DLC1: variants seen among roughly 807,000 people sequenced by gnomAD.
The protein encoded by DLC1 is DLC1 Rho GTPase activating protein.
Under a neutral mutation model 140.3 loss-of-function variants are expected in DLC1, and 54 were observed. The ratio of observed to expected loss-of-function variants is 0.38; its 90% CI spans 0.31 to 0.48. The LOEUF is 0.48. Ranked by LOEUF, DLC1 falls within the 20% of genes least tolerant of loss-of-function variation. The pLI is 0.96. For missense variants in DLC1, 2,536 were observed against 1,907.0 expected, an observed-to-expected ratio of 1.33 and a Z score of -6.14; for synonymous variants, 986 against 728.1, an observed-to-expected ratio of 1.35 and a Z score of -5.70.
intron 5 of DLC1, among the ~76,000 whole-genome samples, chr8:13,245,223 C>T (rs1238477873): frequency 6.6e-6 from 1 of 152,174 alleles, no homozygotes; most frequent in Non-Finnish European, 1.5e-5. Flanking sequence ...TGTAGGTGCT[C>T]CGTTGAGGCC....
In DLC1 at chr8:13,133,338, C is replaced by A; in HGVS notation, c.1349-17681G>T. On this transcript the variant is annotated intron_variant, in intron 5 of 17. Transcript: ENST00000276297. ...GGGCCCTCCCGCTGGGCCCACCCCC[C>A]GAGGGGCGGGGCCAGAGCGGGCGGC... is the stretch of plus-strand genomic sequence containing the variant. The A allele has an allele frequency of 2.6e-6, 3 of 1,156,176 alleles. No homozygotes were observed. In the South Asian group the frequency reaches 6.9e-5, roughly 26 times the overall value. The allele number at this position is 1,156,176 out of a possible 1,614,324, so 71.6% of individuals were successfully genotyped here.
intron 5 of DLC1, among the ~76,000 whole-genome samples, chr8:13,259,361 A>G (rs2117323135): frequency 6.6e-6 from 1 of 151,686 alleles, no homozygotes; most frequent in East Asian, 1.9e-4. Context: ...TTAATCACTT[A>G]AAATTTTACA....
intron 6 of DLC1, among the ~76,000 whole-genome samples, chr8:13,114,228 G>A (rs1820352873): frequency 1.3e-5 from 2 of 152,164 alleles, no homozygotes; most frequent in Non-Finnish European, 2.9e-5. Flanking sequence ...CGGGCATGGT[G>A]GCACATGCCC....
Position 13,090,407 on chromosome 8 carries a change from G to T in DLC1, c.3919C>A (p.Leu1307Met), listed in dbSNP as rs535433260. The change falls in exon 15 of 18, where the codon CTG becomes ATG. Residue 1307 changes from leucine (L) to methionine (M), a missense_variant. Transcript: ENST00000276297. ...YTEQELKPLT[L>M]EALGHLGNDD... ...TTACCCAGGTGCCCGAGTGCTTCCA[G>T]AGTGAGGGGCTTCAGCTCTTGTTCG... 6.2e-7 allele frequency: 1 copy of T among 1,614,212 alleles called. No individual in the cohort carries two copies. Among genetic ancestry groups the T allele is most frequent in the Admixed American group, 1.7e-5 (1 of 60,020 alleles).
chr8:13,363,049 C>T (rs1281657439), intron 4 of DLC1, among the ~76,000 whole-genome samples: 2 of 152,172 alleles, frequency 1.3e-5, no homozygotes, highest in Non-Finnish European at 2.9e-5. Context: ...TAGATATGGG[C>T]ATACAATATT....
intron 5 of DLC1, among the ~76,000 whole-genome samples, chr8:13,120,902 C>G (rs1472915581): frequency 6.6e-6 from 1 of 152,092 alleles, no homozygotes; most frequent in Non-Finnish European, 1.5e-5. Context: ...AAACTCCCCA[C>G]CCCCAGCATC....
chr8:13,096,972 T>C (rs1158397914), intron 10 of DLC1, among the ~76,000 whole-genome samples: 2 of 152,310 alleles, frequency 1.3e-5, no homozygotes, highest in East Asian at 3.9e-4. Flanking sequence ...TGCTTGGCAC[T>C]GATAGCAGAA....
At chr8:13,249,478 G>T (rs1329156308) in intron 5 of DLC1, among the ~76,000 whole-genome samples, 7 of 152,006 alleles carry the variant, frequency 4.6e-5, no homozygotes, top group African/African-American at 7.3e-5. Context: ...CCTTGTCATG[G>T]TACCCACTGC....
chr8:13,504,146 GAC>G (rs986705560), intron 1 of DLC1, among the ~76,000 whole-genome samples: 3 of 94,158 alleles, frequency 3.2e-5, no homozygotes, highest in Non-Finnish European at 5.7e-5. Context: ...TTTTTTTTAA[GAC>G]AGAGTTTCAC....
At chr8:13,324,808 A>G (rs1477035614) in intron 4 of DLC1, among the ~76,000 whole-genome samples, 1 of 152,182 alleles carries the variant, frequency 6.6e-6, no homozygotes, top group African/African-American at 2.4e-5. Flanking sequence ...TAAGCCAACC[A>G]AAATGCAATT....
At chr8:13,596,895 A>T (rs920425984) in intron 1 of DLC1, among the ~76,000 whole-genome samples, 1 of 151,984 alleles carries the variant, frequency 6.6e-6, no homozygotes, top group Non-Finnish European at 1.5e-5. Context: ...CAATTGTTCT[A>T]TATTATTAAA....
At chr8:13,301,989 C>A (rs999586277) in intron 5 of DLC1, among the ~76,000 whole-genome samples, 1 of 152,092 alleles carries the variant, frequency 6.6e-6, no homozygotes, top group African/African-American at 2.4e-5. Flanking sequence ...CAGACTCCAG[C>A]GACATGATGG....
intron 2 of DLC1, among the ~76,000 whole-genome samples, chr8:13,476,506 A>G (rs1027838922): frequency 6.6e-6 from 1 of 150,980 alleles, no homozygotes; most frequent in Non-Finnish European, 1.5e-5. Context: ...ATAGTCAACC[A>G]TGTAATTTAT....
intron 4 of DLC1, among the ~76,000 whole-genome samples, chr8:13,369,406 G>T (rs891003752): frequency 1.3e-5 from 2 of 151,140 alleles, no homozygotes; most frequent in African/African-American, 4.9e-5. Context: ...GTCATGAGAG[G>T]CTGCTTTTTC....
chr8:13,256,860 G>A (rs967662043), intron 5 of DLC1, among the ~76,000 whole-genome samples: 5 of 143,046 alleles, frequency 3.5e-5, no homozygotes, highest in East Asian at 4.0e-4. Flanking sequence ...TGTAAGTTCT[G>A]CACATGTATC....
At chr8:13,298,249 A>G (rs981143839) in intron 5 of DLC1, among the ~76,000 whole-genome samples, 2 of 152,164 alleles carry the variant, frequency 1.3e-5, no homozygotes, top group Non-Finnish European at 2.9e-5. Context: ...TGACCAAGGA[A>G]AGCAACCAAA....
intron 3 of DLC1, among the ~76,000 whole-genome samples, chr8:13,399,637 A>G (rs1245146651): frequency 6.6e-6 from 1 of 152,162 alleles, no homozygotes; most frequent in Non-Finnish European, 1.5e-5. Context: ...CTTGCAAAGG[A>G]GAAAACCACC....
intron 4 of DLC1, among the ~76,000 whole-genome samples, chr8:13,329,304 T>A (rs1833493745): frequency 6.6e-6 from 1 of 152,176 alleles, no homozygotes; most frequent in Non-Finnish European, 1.5e-5. Context: ...CGTCAAGACA[T>A]ACATTCATAG....
intron 5 of DLC1, among the ~76,000 whole-genome samples, chr8:13,302,183 A>G (rs545345156): frequency 3.9e-5 from 6 of 152,326 alleles, no homozygotes; most frequent in African/African-American, 1.4e-4. Context: ...AGCTTTTTGA[A>G]TAAGCAGAGT....
Sources: allele counts gnomAD v4.1 joint callset (sites outside exome capture counted in the v4.1 genomes callset), GRCh38; gene constraint gnomAD v4.1.1; transcripts MANE v1.5; gene names NCBI Gene and HGNC (gene_info 2026-07-23, HGNC 2026-07-21).